Variants in ITPR1 observed in about 807,000 individuals in gnomAD.
ITPR1 encodes the protein inositol 1,4,5-trisphosphate-gated calcium channel ITPR1.
ITPR1 carries 96 observed loss-of-function variants against 318.4 expected under a neutral mutation model. The ratio of observed to expected loss-of-function variants is 0.30; its 90% CI spans 0.26 to 0.36. The LOEUF (loss-of-function observed/expected upper bound fraction) is 0.36, where lower values mean the gene tolerates loss of function less well. ITPR1 is among the 10% of genes least tolerant of loss of function. ITPR1 has a pLI of 1.00. For synonymous variants in ITPR1, 1,312 were observed against 1,289.9 expected (o/e 1.02, Z -0.37); for missense variants, 2,440 against 3,460.2 (o/e 0.71, Z 7.40).
chr3:4,710,762 A>G lies in ITPR1; in HGVS notation c.4991+289A>G, dbSNP rs1307095018. Reference sequence around the variant, plus strand: ...CAGTGCACCCACCGTGTGCTGTGGTACAGACATAAAAAAGCCATGATCCCT... The same window carrying G: ...CAGTGCACCCACCGTGTGCTGTGGTGCAGACATAAAAAAGCCATGATCCCT... On this transcript the variant is annotated intron_variant, in intron 38 of 61. Coordinates refer to ENST00000649015, the MANE Select transcript of ITPR1 (RefSeq NM_001378452.1). The surrounding 1 kb of genome is among the most constrained non-coding windows in gnomAD (Gnocchi z 4.2). Among the ~76,000 whole-genome samples the G allele has an allele frequency of 1.3e-5, 2 of 152,180 alleles. No individual in the cohort carries two copies. Among genetic ancestry groups the G allele is most frequent in the Non-Finnish European group, 2.9e-5 (2 of 68,034 alleles).
intron 4 of ITPR1, among the ~76,000 whole-genome samples, chr3:4,553,240 G>C (rs2085751593): frequency 6.6e-6 from 1 of 152,138 alleles, no homozygotes. Flanking sequence ...AATGGAGTGA[G>C]GGTTGGGATA....
At chr3:4,590,680 C>T (rs866059369) in intron 4 of ITPR1, among the ~76,000 whole-genome samples, 1 of 152,064 alleles carries the variant, frequency 6.6e-6, no homozygotes, top group Non-Finnish European at 1.5e-5. Flanking sequence ...GGACTACAGG[C>T]ATGTGCCAGC....
chr3:4,834,863 G>C (rs534374252), intron 60 of ITPR1, among the ~76,000 whole-genome samples: 48 of 152,270 alleles, frequency 3.2e-4, no homozygotes, highest in Admixed American at 2.9e-3. Flanking sequence ...CTAATGTTAA[G>C]ACACATGAAT....
intron 4 of ITPR1, among the ~76,000 whole-genome samples, chr3:4,565,138 C>T (rs945710570): frequency 2.0e-5 from 3 of 152,140 alleles, no homozygotes; most frequent in Non-Finnish European, 2.9e-5. Context: ...AATGTGTCAC[C>T]TTGTTGATTC....
chr3:4,808,519 C>T (rs1382622657), intron 55 of ITPR1, among the ~76,000 whole-genome samples: 5 of 152,190 alleles, frequency 3.3e-5, no homozygotes, highest in South Asian at 2.1e-4. Flanking sequence ...TTTTAGGAAA[C>T]GCAATAGGAT....
intron 4 of ITPR1, among the ~76,000 whole-genome samples, chr3:4,540,260 G>A (rs944096586): frequency 6.6e-6 from 1 of 151,818 alleles, no homozygotes; most frequent in African/African-American, 2.4e-5. Context: ...CTTTCTAATG[G>A]TGTTTGACGT....
chr3:4,704,102 G>A (rs1338102075), intron 36 of ITPR1, among the ~76,000 whole-genome samples: 1 of 152,090 alleles, frequency 6.6e-6, no homozygotes, highest in Non-Finnish European at 1.5e-5. Flanking sequence ...GGGTAAAGGG[G>A]GAAAAGCGTT....
intron 30 of ITPR1, among the ~76,000 whole-genome samples, chr3:4,685,707 T>C (rs1373568884): frequency 1.3e-5 from 2 of 152,242 alleles, no homozygotes; most frequent in African/African-American, 4.8e-5. Flanking sequence ...TGCTGGAAGT[T>C]GTACTTTGCC....
At chr3:4,609,051 AATAT>A (rs754002503) in intron 4 of ITPR1, among the ~76,000 whole-genome samples, 2,329 of 46,550 alleles carry the variant, frequency 0.05, 141 homozygotes, top group Admixed American at 0.075. Flanking sequence ...ACAACAACGA[AATAT>A]ATATATATAT....
chr3:4,540,364 C>G (rs887386604), intron 4 of ITPR1, among the ~76,000 whole-genome samples: 2 of 152,122 alleles, frequency 1.3e-5, no homozygotes, highest in Non-Finnish European at 2.9e-5. Flanking sequence ...CTTTTAAATT[C>G]TCTGTCATTA....
chr3:4,655,533 A>G (rs2093686867), intron 12 of ITPR1, among the ~76,000 whole-genome samples: 2 of 152,124 alleles, frequency 1.3e-5, no homozygotes, highest in Admixed American at 1.3e-4. Flanking sequence ...CTCCCAGATC[A>G]TTAGCATTTT....
intron 60 of ITPR1, among the ~76,000 whole-genome samples, chr3:4,821,350 G>C (rs1293099113): frequency 6.6e-6 from 1 of 152,232 alleles, no homozygotes; most frequent in African/African-American, 2.4e-5. Flanking sequence ...TGGAATGACA[G>C]CTGCCAAAAG....
chr3:4,800,739 CAG>C, intron 54 of ITPR1, 139 bp downstream of exon 54: 1 of 860,090 alleles, frequency 1.2e-6, no homozygotes, highest in Non-Finnish European at 1.8e-6. Context: ...TAGCCAGAAG[CAG>C]GGGATGGCTG....
rs141595244 is a variant in ITPR1 at position 4,772,024 on chromosome 3, G to A, written c.5980-3218G>A. Among the ~76,000 whole-genome samples, 485 of 152,318 alleles carry A rather than the reference G, an allele frequency of 3.2e-3. 1 individual carries two copies. The highest frequency in any genetic ancestry group is 0.011 in the African/African-American group (461 of 41,562). On this transcript the variant is annotated intron_variant, in intron 46 of 61. Coordinates refer to ENST00000649015, the MANE Select transcript of ITPR1 (RefSeq NM_001378452.1). The stretch of plus-strand genomic sequence containing the variant: ...ATCTGGACCAGTGGTTCACAAGGAT[G>A]GAGGTTGGAATCATCCTTAAAAACT...
intron 34 of ITPR1, 105 bp downstream of exon 34, chr3:4,697,377 A>G: frequency 1.8e-6 from 2 of 1,107,748 alleles, no homozygotes; most frequent in South Asian, 1.9e-5. Flanking sequence ...ACACATGAAG[A>G]AAACAGCTGC....
Position 4,493,354 on chromosome 3 carries a change from A to G in ITPR1, c.-344A>G, listed in dbSNP as rs1027084580. ...CCCGGAGCCGCTTTAAAGTGCAGTA[A>G]CCATGTGGATGTGCTGCTGAAGCGT... On this transcript the variant is annotated 5_prime_UTR_variant, in exon 1 of 62. Transcript: ENST00000649015. 2.0e-5 allele frequency: 3 copies of G among 153,788 alleles called. No homozygotes were observed. The highest frequency in any genetic ancestry group is 6.5e-5 in the Admixed American group (1 of 15,284). The allele number at this position is 153,788 out of a possible 1,614,324, so 9.5% of individuals were successfully genotyped here. A position where few individuals can be genotyped will look rare whatever the true frequency, so the allele number is the denominator to read the frequency against.
chr3:4,609,370 G>C (rs1012797552), intron 4 of ITPR1, among the ~76,000 whole-genome samples: 2 of 151,862 alleles, frequency 1.3e-5, no homozygotes, highest in African/African-American at 4.8e-5. Context: ...AGGAAACATA[G>C]GTCATGAAAT....
Position 4,800,463 on chromosome 3 carries a change from G to T in ITPR1, c.6970G>T (p.Ala2324Ser). 1 of 1,614,054 alleles carries T rather than the reference G, an allele frequency of 6.2e-7. No homozygotes were observed. Among genetic ancestry groups the T allele is most frequent in the Non-Finnish European group, 8.5e-7 (1 of 1,179,892 alleles). ...CCACTGGTCGGGACTCCTGTGGACA[G>T]CCATGCTCATCTCTCTGGCCATCGT... Reference protein sequence around the residue: ...EPHWSGLLWTAMLISLAIVIA... With the variant: ...EPHWSGLLWTSMLISLAIVIA... The change falls in exon 54 of 62, where the codon GCC (alanine) becomes TCC (serine). Residue 2324 changes from alanine to serine, a missense_variant. Ala to Ser is a moderately conservative substitution (Grantham distance 99). Coordinates refer to ENST00000649015, the MANE Select transcript of ITPR1 (RefSeq NM_001378452.1).
Position 4,846,213 on chromosome 3 carries a change from A to G in ITPR1, c.8265A>G (p.Gln2755=). Residue 2755 remains glutamine (Q), a synonymous_variant, in exon 62 of 62, where the codon CAA becomes CAG. Coordinates refer to ENST00000649015, the MANE Select transcript of ITPR1 (RefSeq NM_001378452.1). ...GHPPHMNVNP[Q]QPA is the part of the protein sequence containing the mutation. ...CTCCTCACATGAATGTCAACCCACA[A>G]CAACCAGCATAAGCAAATGAAAGAA... is the stretch of plus-strand genomic sequence containing the variant. The G allele has an allele frequency of 6.4e-7, 1 of 1,558,764 alleles. No homozygotes were observed. The highest frequency in any genetic ancestry group is 8.7e-7 in the Non-Finnish European group (1 of 1,148,526).
Sources: gnomAD v4.1 joint callset for allele counts (sites outside exome capture counted in the v4.1 genomes callset) on GRCh38, gnomAD v4.1.1 for gene constraint, Gnocchi (gnomAD v3.1) non-coding constraint, MANE v1.5 for transcripts, NCBI Gene and HGNC (gene_info 2026-07-23, HGNC 2026-07-21) for gene names.